Variants in CDK13 observed in about 807,000 individuals in gnomAD.
CDK13 encodes the protein cyclin dependent kinase 13.
In CDK13, 40 loss-of-function variants were observed where a neutral mutation model predicts 137.6. The ratio of observed to expected loss-of-function variants is 0.29; its 90% CI spans 0.23 to 0.38. The LOEUF is 0.38. Among genes scored for constraint, CDK13 ranks in the 10% least tolerant of loss-of-function variants. The probability of loss-of-function intolerance (pLI) is 1.00; values close to 1 mark genes in which losing one functional copy is unlikely to be tolerated. For synonymous variants in CDK13, 869 were observed against 760.1 expected, an observed-to-expected ratio of 1.14 and a Z score of -2.36; for missense variants, 1,704 against 1,951.8, an observed-to-expected ratio of 0.87 and a Z score of 2.39.
Position 40,003,075 on chromosome 7 carries a change from C to T in CDK13, c.2353+1044C>T, listed in dbSNP as rs572831939. On this transcript the variant is annotated intron_variant, in intron 5 of 13. Coordinates refer to ENST00000181839, the MANE Select transcript of CDK13 (RefSeq NM_003718.5). The stretch of plus-strand genomic sequence containing the variant: ...CCTCGGTGACAGAGCAAGACCTTAT[C>T]TCTAAAAACGAAAAGAAAAAGATTA... Among the ~76,000 whole-genome samples the T allele has an allele frequency of 1.7e-4, 25 of 151,392 alleles. No individual in the cohort carries two copies. In the South Asian group the frequency reaches 5.2e-3, roughly 32 times the overall value.
chr7:40,019,763 CCTAA>C (rs1282605398), intron 5 of CDK13, among the ~76,000 whole-genome samples: 4 of 152,060 alleles, frequency 2.6e-5, no homozygotes, highest in African/African-American at 7.2e-5. Context: ...TGACAAAATA[CCTAA>C]CTGAGAGACT....
chr7:39,959,842 T>G (rs1378630095), intron 1 of CDK13, among the ~76,000 whole-genome samples: 2 of 2,104 alleles, frequency 9.5e-4, no homozygotes, highest in Admixed American at 3.1e-3. Context: ...TACTAACTTG[T>G]TTTTTTTTTT....
chr7:39,965,339 T>G lies in CDK13; in HGVS notation c.1211+13487T>G, dbSNP rs1336197128. Among the ~76,000 whole-genome samples, 4 of 152,174 alleles carry G rather than the reference T, an allele frequency of 2.6e-5. No homozygotes were observed. The East Asian group carries it at 7.7e-4, about 29-fold the overall frequency. Reference sequence around the variant, plus strand: ...TGCATATATATTTAGGATAGTTAGCTCTTGTTGAATTGATCCCTTTACCAT... The same window carrying G: ...TGCATATATATTTAGGATAGTTAGCGCTTGTTGAATTGATCCCTTTACCAT... On this transcript the variant is annotated intron_variant, in intron 1 of 13. Coordinates refer to ENST00000181839, the MANE Select transcript of CDK13 (RefSeq NM_003718.5).
chr7:39,992,961 C>CTT (rs1366058960), intron 2 of CDK13, among the ~76,000 whole-genome samples: 1 of 152,116 alleles, frequency 6.6e-6, no homozygotes, highest in African/African-American at 2.4e-5. Flanking sequence ...GATGTGATCA[C>CTT]TTGGTTAAGG....
intron 6 of CDK13, 79 bp downstream of exon 6, chr7:40,046,104 T>A: frequency 1.1e-6 from 1 of 922,506 alleles, no homozygotes; most frequent in Non-Finnish European, 1.6e-6. Context: ...CTGGAAACCG[T>A]AGCGGCGGGG....
chr7:40,048,385 G>A (rs1252848975), intron 7 of CDK13: 2 of 151,948 alleles, frequency 1.3e-5, no homozygotes, highest in Non-Finnish European at 2.9e-5. Context: ...TACCCAACTT[G>A]GCTTTCTTTG....
chr7:39,964,868 C>G (rs1783832931), intron 1 of CDK13, among the ~76,000 whole-genome samples: 1 of 152,090 alleles, frequency 6.6e-6, no homozygotes, highest in Non-Finnish European at 1.5e-5. Flanking sequence ...TTTCTGCCTT[C>G]ATTTCGTTAT....
chr7:39,952,861 T>C (rs1194871819), intron 1 of CDK13: 1 of 152,210 alleles, frequency 6.6e-6, no homozygotes, highest in Non-Finnish European at 1.5e-5. Flanking sequence ...TTTTAAAAAG[T>C]GTGCCTTAAA....
intron 1 of CDK13, among the ~76,000 whole-genome samples, chr7:39,953,196 C>T (rs539455578): frequency 9.9e-5 from 15 of 152,264 alleles, no homozygotes; most frequent in African/African-American, 3.6e-4. Flanking sequence ...CAAAAAAGTT[C>T]TATAAATTGC....
chr7:40,069,234 C>T (rs1286636882), intron 9 of CDK13: 1 of 431,034 alleles, frequency 2.3e-6, no homozygotes, highest in Non-Finnish European at 4.6e-6. Flanking sequence ...GACCTTGTCT[C>T]AAAAAAACAG....
Position 40,003,206 on chromosome 7 carries a change from A to ACACACACACACACT in CDK13, c.2353+1176_2353+1177insACACACACACACTC, listed in dbSNP as rs374470130. 3.8e-5 allele frequency among the ~76,000 whole-genome samples: 3 copies of ACACACACACACACT among 79,904 alleles called. No homozygotes were observed. In the East Asian group the frequency reaches 1.2e-3, roughly 33 times the overall value. The allele number at this position is 79,904 out of a possible 152,430, so 52.4% of individuals were successfully genotyped here. On this transcript the variant is annotated intron_variant, in intron 5 of 13. Coordinates refer to ENST00000181839, the MANE Select transcript of CDK13 (RefSeq NM_003718.5). ...CACACACACACACACACACACACAC[A>ACACACACACACACT]CTCTCTCTCTCTCTCTCTCTTACTC...
At chr7:39,980,936 T>C (rs1298119114) in intron 1 of CDK13, among the ~76,000 whole-genome samples, 2 of 152,226 alleles carry the variant, frequency 1.3e-5, no homozygotes, top group African/African-American at 4.8e-5. Flanking sequence ...TTGTGTTGTG[T>C]GTATTTGGGA....
intron 11 of CDK13, among the ~76,000 whole-genome samples, chr7:40,079,388 C>T (rs527537553): frequency 6.6e-6 from 1 of 151,806 alleles, no homozygotes; most frequent in African/African-American, 2.4e-5. Flanking sequence ...CATTGCACTC[C>T]AGCCTGGGTG....
At chr7:40,019,971 T>G (rs1343268835) in intron 5 of CDK13, among the ~76,000 whole-genome samples, 1 of 152,230 alleles carries the variant, frequency 6.6e-6, no homozygotes, top group East Asian at 1.9e-4. Context: ...TTCATGAAGT[T>G]TTTTTGTTAT....
intron 5 of CDK13, among the ~76,000 whole-genome samples, chr7:40,036,891 G>A (rs778255876): frequency 6.3e-4 from 96 of 152,008 alleles, no homozygotes; most frequent in Non-Finnish European, 9.4e-4. Context: ...ATACATTCAC[G>A]TTTACCCAGT....
chr7:39,951,963 C>G (rs1264322994), intron 1 of CDK13, 111 bp downstream of exon 1: 15 of 1,141,210 alleles, frequency 1.3e-5, no homozygotes, highest in African/African-American at 3.2e-5. Context: ...ACCACCGAGA[C>G]GAGACAACAC....
At chr7:40,060,317 CTA>C (rs1192617873) in intron 7 of CDK13, among the ~76,000 whole-genome samples, 1 of 152,002 alleles carries the variant, frequency 6.6e-6, no homozygotes, top group Non-Finnish European at 1.5e-5. Context: ...TAAAAATTAA[CTA>C]TTTGTAGATA....
chr7:39,977,644 A>G (rs939552288), intron 1 of CDK13, among the ~76,000 whole-genome samples: 5 of 152,190 alleles, frequency 3.3e-5, no homozygotes, highest in African/African-American at 1.2e-4. Flanking sequence ...GACACTTCCT[A>G]TATTTTGTGA....
At chr7:39,973,004 A>C (rs60166394) in intron 1 of CDK13, among the ~76,000 whole-genome samples, 5,980 of 152,240 alleles carry the variant, frequency 0.039, 346 homozygotes, top group African/African-American at 0.13. Flanking sequence ...CAGTGGGATC[A>C]CATTTTGGTT....
Sources: gnomAD v4.1 joint callset for allele counts (sites outside exome capture counted in the v4.1 genomes callset) on GRCh38, gnomAD v4.1.1 for gene constraint, MANE v1.5 for transcripts, NCBI Gene and HGNC (gene_info 2026-07-23, HGNC 2026-07-21) for gene names.